WWOX: variants seen among roughly 807,000 people sequenced by gnomAD.
WWOX encodes WW domain-containing oxidoreductase.
Under a neutral mutation model 46.2 loss-of-function variants are expected in WWOX, and 69 were observed. The ratio of observed to expected loss-of-function variants is 1.49; its 90% CI spans 1.23 to 1.82. WWOX has a LOEUF of 1.82. Ranked by LOEUF, WWOX falls within the 40% of genes most tolerant of loss-of-function variation. WWOX has a pLI of 0.00. For missense variants in WWOX, 919 were observed against 542.6 expected (o/e 1.69, Z -6.89); for synonymous variants, 359 against 202.6 (o/e 1.77, Z -6.56).
At chr16:79,202,619 C>T (rs974648563) in intron 8 of WWOX, 1 of 152,194 alleles carries the variant, frequency 6.6e-6, no homozygotes, top group Non-Finnish European at 1.5e-5. Flanking sequence ...GAAGCCACAA[C>T]AGTCTAGGAA....
At chr16:78,846,940 G>A (rs2052313844) in intron 8 of WWOX, among the ~76,000 whole-genome samples, 1 of 152,172 alleles carries the variant, frequency 6.6e-6, no homozygotes, top group South Asian at 2.1e-4. Context: ...AGTTTATTCT[G>A]TAGGTCATAA....
chr16:78,853,336 T>G (rs1437820189), intron 8 of WWOX, among the ~76,000 whole-genome samples: 1 of 152,210 alleles, frequency 6.6e-6, no homozygotes, highest in Non-Finnish European at 1.5e-5. Context: ...TTCTTCTGCC[T>G]CAGCCTGCTG....
chr16:78,355,429 TGTCTCTACTAAAAGTAC>T (rs2081264243), intron 5 of WWOX: 1 of 294,694 alleles, frequency 3.4e-6, no homozygotes, highest in Non-Finnish European at 6.6e-6. Flanking sequence ...GGTGAAACCG[TGTCTCTACTAAAAGTAC>T]AAAAAATTAG....
At position 78,386,852 on chromosome 16, in the gene WWOX, C is replaced by T. The variant is rs760361302; in HGVS notation, c.517-8C>T. ...TTTATCATTTCTTTTTATTTTCTCT[C>T]ATTGCAGCATAAAGCCAAGGTAGAA... On this transcript the variant is annotated splice_polypyrimidine_tract_variant and splice_region_variant and intron_variant, in intron 5 of 8. Coordinates refer to ENST00000566780, the MANE Select transcript of WWOX (RefSeq NM_016373.4). 6 of 1,611,690 alleles carry T rather than the reference C, an allele frequency of 3.7e-6. No homozygotes were observed. Among genetic ancestry groups the T allele is most frequent in the African/African-American group, 2.7e-5 (2 of 74,896 alleles).
intron 8 of WWOX, among the ~76,000 whole-genome samples, chr16:78,618,683 G>C (rs1031642966): frequency 1.3e-5 from 2 of 152,028 alleles, no homozygotes; most frequent in Non-Finnish European, 2.9e-5. Flanking sequence ...TGTTTGATCC[G>C]GGGGAATAAA....
At chr16:78,494,321 A>T (rs978549574) in intron 8 of WWOX, among the ~76,000 whole-genome samples, 10 of 152,188 alleles carry the variant, frequency 6.6e-5, no homozygotes, top group African/African-American at 2.2e-4. Flanking sequence ...TCTCCAACAC[A>T]GGGATTACAA....
chr16:79,135,909 C>A (rs114382549), intron 8 of WWOX, among the ~76,000 whole-genome samples: 240 of 152,196 alleles, frequency 1.6e-3, no homozygotes, highest in African/African-American at 5.7e-3. Flanking sequence ...TATAAGATTG[C>A]TCTCATTTAC....
intron 8 of WWOX, among the ~76,000 whole-genome samples, chr16:78,696,335 C>T (rs950836976): frequency 2.0e-5 from 3 of 152,122 alleles, no homozygotes; most frequent in Non-Finnish European, 4.4e-5. Flanking sequence ...ACCTGAGTAC[C>T]AGGCAGGGTC....
chr16:78,379,373 C>A (rs534154221), intron 5 of WWOX, among the ~76,000 whole-genome samples: 1 of 152,002 alleles, frequency 6.6e-6, no homozygotes, highest in Non-Finnish European at 1.5e-5. Flanking sequence ...GAGTAGTCCC[C>A]CAGTTAAAAG....
At chr16:78,252,998 C>T (rs1055921632) in intron 5 of WWOX, among the ~76,000 whole-genome samples, 81 of 152,308 alleles carry the variant, frequency 5.3e-4, no homozygotes, top group African/African-American at 1.8e-3. Flanking sequence ...GCAGTAATAT[C>T]ATCTATTTAC....
rs148096218 is a variant in WWOX, at chr16:78,194,752, C to A, written c.516+30463C>A. 3.2e-3 allele frequency among the ~76,000 whole-genome samples: 484 copies of A among 151,932 alleles called. 6 individuals carry two copies. The highest frequency in any genetic ancestry group is 0.011 in the African/African-American group (451 of 41,390). On this transcript the variant is annotated intron_variant, in intron 5 of 8. Coordinates refer to ENST00000566780, the MANE Select transcript of WWOX (RefSeq NM_016373.4). ...AACCCCTACCCTTAACTCTTCTACT[C>A]CTTTGGATGTTATCCCTGCCTGGTT...
chr16:78,881,261 C>T (rs528874406), intron 8 of WWOX, among the ~76,000 whole-genome samples: 19 of 152,266 alleles, frequency 1.2e-4, no homozygotes, highest in African/African-American at 4.6e-4. Flanking sequence ...GCCTCAGCCT[C>T]CCAAAGTGCT....
intron 8 of WWOX, among the ~76,000 whole-genome samples, chr16:78,448,559 G>T (rs567574099): frequency 6.6e-6 from 1 of 152,206 alleles, no homozygotes; most frequent in South Asian, 2.1e-4. Context: ...ACACAAAACC[G>T]AAAGTAGTGT....
At chr16:78,412,654 C>T (rs1012650632) in intron 6 of WWOX, among the ~76,000 whole-genome samples, 6 of 152,108 alleles carry the variant, frequency 3.9e-5, no homozygotes, top group African/African-American at 1.2e-4. Flanking sequence ...GAGGGAGGAG[C>T]AGGATCCTCT....
chr16:78,550,280 C>G (rs2044143152), intron 8 of WWOX, among the ~76,000 whole-genome samples: 1 of 152,226 alleles, frequency 6.6e-6, no homozygotes, highest in South Asian at 2.1e-4. Context: ...AGAACAGCAT[C>G]TGCAAACTTT....
chr16:78,942,154 G>T (rs13333229), intron 8 of WWOX, among the ~76,000 whole-genome samples: 29,953 of 152,096 alleles, frequency 0.2, 4,318 homozygotes, highest in African/African-American at 0.41. Flanking sequence ...GGATGTGATT[G>T]GTATGGAGAA....
intron 8 of WWOX, among the ~76,000 whole-genome samples, chr16:79,182,110 A>G (rs1318791518): frequency 6.9e-6 from 1 of 145,876 alleles, no homozygotes; most frequent in Non-Finnish European, 1.5e-5. Flanking sequence ...CACACCAGCC[A>G]GCTGGAGACA....
intron 8 of WWOX, among the ~76,000 whole-genome samples, chr16:78,761,860 A>G (rs2049803196): frequency 6.6e-6 from 1 of 152,104 alleles, no homozygotes; most frequent in Non-Finnish European, 1.5e-5. Flanking sequence ...CTTAAAACTA[A>G]CTAGTTCATT....
chr16:78,594,443 CCCG>C (rs201119035), intron 8 of WWOX, among the ~76,000 whole-genome samples: 16 of 87,028 alleles, frequency 1.8e-4, no homozygotes, highest in Non-Finnish European at 2.5e-4. Flanking sequence ...CCCCCCCCCC[CCCG>C]CCAAATTGTC....
Sources: gnomAD v4.1 joint callset for allele counts (sites outside exome capture counted in the v4.1 genomes callset) on GRCh38, gnomAD v4.1.1 for gene constraint, MANE v1.5 for transcripts, NCBI Gene and HGNC (gene_info 2026-07-23, HGNC 2026-07-21) for gene names.